The following MPHOSPH9 variants were observed in gnomAD, a reference collection of about 807,000 sequenced individuals.
The protein encoded by MPHOSPH9 is M-phase phosphoprotein 9.
In MPHOSPH9, 88 loss-of-function variants were observed where a neutral mutation model predicts 145.5. That is an observed-to-expected ratio of 0.60 (90% CI 0.51 to 0.72). MPHOSPH9 has a LOEUF of 0.72. MPHOSPH9 is among the 30% of genes least tolerant of loss of function. The pLI is 0.00. For synonymous variants in MPHOSPH9, 435 were observed against 486.2 expected (o/e 0.89, Z 1.39); for missense variants, 1,238 against 1,386.6 (o/e 0.89, Z 1.70).
intron 11 of MPHOSPH9, 30 bp from the exon 12 acceptor site, chr12:123,198,364 A>G: frequency 6.5e-7 from 1 of 1,535,634 alleles, no homozygotes; most frequent in Non-Finnish European, 8.9e-7. Flanking sequence ...CTTCAATTAG[A>G]AGATAAAATT....
chr12:123,214,322 T>C (rs1489285197), intron 7 of MPHOSPH9, among the ~76,000 whole-genome samples: 2 of 152,072 alleles, frequency 1.3e-5, no homozygotes, highest in Admixed American at 1.3e-4. Context: ...GTGGATTGCT[T>C]GCACCCAGGA....
intron 8 of MPHOSPH9, 24 bp downstream of exon 8, chr12:123,210,032 G>A (rs539032368): frequency 3.8e-5 from 60 of 1,560,880 alleles, no homozygotes; most frequent in African/African-American, 2.5e-4. Flanking sequence ...CACCGCGCCC[G>A]GCCACCGTGT....
intron 5 of MPHOSPH9, among the ~76,000 whole-genome samples, chr12:123,219,389 G>C (rs2047103495): frequency 1.3e-5 from 2 of 150,386 alleles, no homozygotes; most frequent in African/African-American, 4.9e-5. Flanking sequence ...ACAAGGTCAG[G>C]AGATCGAGAC....
At chr12:123,218,311 A>G (rs781631159) in intron 6 of MPHOSPH9, 65 bp downstream of exon 6, 2 of 1,589,902 alleles carry the variant, frequency 1.3e-6, no homozygotes, top group Non-Finnish European at 1.7e-6. Flanking sequence ...TTTGTTCATG[A>G]GCGTGTACTA....
At chr12:123,192,365 C>G (rs927747331) in intron 13 of MPHOSPH9, among the ~76,000 whole-genome samples, 34 of 150,760 alleles carry the variant, frequency 2.3e-4, no homozygotes, top group African/African-American at 7.1e-4. Context: ...GAGGCAGAAG[C>G]ATCACTTGAA....
chr12:123,178,530 T>C (rs1042643914), intron 15 of MPHOSPH9, among the ~76,000 whole-genome samples: 1 of 152,122 alleles, frequency 6.6e-6, no homozygotes, highest in African/African-American at 2.4e-5. Flanking sequence ...ATCTTTCATT[T>C]TTTTGGTGGG....
rs552819173 is a variant in MPHOSPH9 at position 123,187,782 on chromosome 12, G to C, written c.2242-6572C>G. On this transcript the variant is annotated intron_variant, in intron 13 of 23. Coordinates refer to ENST00000606320, the MANE Select transcript of MPHOSPH9 (RefSeq NM_022782.4). ...TTCTGGGACAACTGGTTAATCATTG[G>C]AGGCAGGGAGGATCAAGTTCAATTC... Among the ~76,000 whole-genome samples the C allele has an allele frequency of 4.6e-5, 7 of 152,260 alleles. No homozygotes were observed. In the South Asian group the frequency reaches 1.2e-3, roughly 27 times the overall value.
chr12:123,198,128 A>T, intron 12 of MPHOSPH9, 119 bp downstream of exon 12: 2 of 773,076 alleles, frequency 2.6e-6, no homozygotes, highest in Non-Finnish European at 4.3e-6. Flanking sequence ...TATGAAGCCA[A>T]CAGCACTAAA....
At chr12:123,164,350 G>A (rs2044225295) in intron 18 of MPHOSPH9, among the ~76,000 whole-genome samples, 1 of 152,158 alleles carries the variant, frequency 6.6e-6, no homozygotes, top group Non-Finnish European at 1.5e-5. Flanking sequence ...GTTTACAATC[G>A]GCATTCAAGG....
At chr12:123,227,383 T>G (rs1256096820) in intron 3 of MPHOSPH9, 80 bp downstream of exon 3, 15 of 1,092,996 alleles carry the variant, frequency 1.4e-5, no homozygotes, top group Non-Finnish European at 1.8e-5. Context: ...GGACATAAAT[T>G]TCTAATAATT....
At chr12:123,194,040 G>A (rs891494826) in intron 13 of MPHOSPH9, among the ~76,000 whole-genome samples, 2 of 152,048 alleles carry the variant, frequency 1.3e-5, no homozygotes, top group Non-Finnish European at 1.5e-5. Flanking sequence ...AGGCTGAGGC[G>A]GGCGGATCAC....
At chr12:123,175,234 T>C (rs2044789813) in intron 16 of MPHOSPH9, among the ~76,000 whole-genome samples, 1 of 151,740 alleles carries the variant, frequency 6.6e-6, no homozygotes, top group African/African-American at 2.4e-5. Flanking sequence ...CACTGCAAGC[T>C]CCGCCTCCCG....
At chr12:123,157,833 ATAAAACT>A (rs1027372903) in intron 23 of MPHOSPH9, among the ~76,000 whole-genome samples, 13 of 152,250 alleles carry the variant, frequency 8.5e-5, no homozygotes, top group Admixed American at 7.2e-4. Context: ...GTGTCCTGAA[ATAAAACT>A]TAAAATTTTT....
chr12:123,152,482 C>G (rs953664144), downstream of MPHOSPH9: 1 of 439,960 alleles, frequency 2.3e-6, no homozygotes, highest in Non-Finnish European at 4.6e-6. Context: ...GTAAAAAGCA[C>G]ATTTCTCACA....
intron 16 of MPHOSPH9, among the ~76,000 whole-genome samples, chr12:123,172,561 G>C (rs2044630149): frequency 2.0e-5 from 3 of 152,164 alleles, no homozygotes; most frequent in Admixed American, 1.3e-4. Flanking sequence ...TCGAACTCCT[G>C]ACCTCAGGTG....
chr12:123,216,748 G>A (rs1019805993), intron 6 of MPHOSPH9, among the ~76,000 whole-genome samples: 6 of 151,856 alleles, frequency 4.0e-5, no homozygotes, highest in South Asian at 4.2e-4. Flanking sequence ...CTATAATCCC[G>A]GCACTTTGGG....
chr12:123,222,437 G>A (rs541618076), intron 4 of MPHOSPH9, among the ~76,000 whole-genome samples: 3 of 152,250 alleles, frequency 2.0e-5, no homozygotes, highest in South Asian at 2.1e-4. Flanking sequence ...AGGCCAAGGC[G>A]GGCAGATCAA....
chr12:123,213,377 T>C (rs145218884), intron 7 of MPHOSPH9, among the ~76,000 whole-genome samples: 1 of 152,242 alleles, frequency 6.6e-6, no homozygotes, highest in East Asian at 1.9e-4. Context: ...AGTCTTGGTA[T>C]TGCCCAGGCT....
At chr12:123,183,531 G>A (rs1422666198) in intron 13 of MPHOSPH9, among the ~76,000 whole-genome samples, 1 of 116,204 alleles carries the variant, frequency 8.6e-6, no homozygotes, top group Non-Finnish European at 1.6e-5. Flanking sequence ...CAAGGTGACA[G>A]AGCAAGACTC....
Sources: allele counts gnomAD v4.1 joint callset (sites outside exome capture counted in the v4.1 genomes callset), GRCh38; gene constraint gnomAD v4.1.1; transcripts MANE v1.5; gene names NCBI Gene and HGNC (gene_info 2026-07-23, HGNC 2026-07-21).